Variants in CHCHD3 observed in about 807,000 individuals in gnomAD.
The protein encoded by CHCHD3 is MICOS complex subunit MIC19.
CHCHD3 carries 20 observed loss-of-function variants against 38.2 expected under a neutral mutation model. The ratio of observed to expected loss-of-function variants is 0.52; its 90% CI spans 0.37 to 0.76. The LOEUF (loss-of-function observed/expected upper bound fraction) is 0.76, where lower values mean the gene tolerates loss of function less well. Ranked by LOEUF, CHCHD3 falls within the 30% of genes least tolerant of loss-of-function variation. The pLI, the probability that CHCHD3 is intolerant of heterozygous loss-of-function variation, is 0.00. For synonymous variants in CHCHD3, 82 were observed against 100.0 expected (o/e 0.82, Z 1.07); for missense variants, 245 against 279.2 (o/e 0.88, Z 0.87).
chr7:132,824,144 A>G (rs1807447820), intron 6 of CHCHD3, among the ~76,000 whole-genome samples: 1 of 152,134 alleles, frequency 6.6e-6, no homozygotes, highest in African/African-American at 2.4e-5. Flanking sequence ...AGTAAACTCT[A>G]ATTATCATAT....
intron 6 of CHCHD3, among the ~76,000 whole-genome samples, chr7:132,799,030 T>C (rs1214376616): frequency 6.6e-6 from 1 of 151,674 alleles, no homozygotes; most frequent in Non-Finnish European, 1.5e-5. Flanking sequence ...TGTGTGTGTG[T>C]GTGTGTGTGT....
chr7:133,027,415 TGAA>T (rs1813375514), intron 2 of CHCHD3, among the ~76,000 whole-genome samples: 1 of 78,296 alleles, frequency 1.3e-5, no homozygotes, highest in Non-Finnish European at 2.3e-5. Context: ...AAGAAAGAAA[TGAA>T]GAGAAGGAAG....
intron 4 of CHCHD3, among the ~76,000 whole-genome samples, chr7:132,904,683 C>T (rs531107928): frequency 1.3e-5 from 2 of 152,258 alleles, no homozygotes; most frequent in East Asian, 1.9e-4. Flanking sequence ...GGCAGTGTGG[C>T]GATTCCTCAG....
chr7:132,888,831 T>C (rs1938830677), intron 4 of CHCHD3, among the ~76,000 whole-genome samples: 1 of 151,988 alleles, frequency 6.6e-6, no homozygotes, highest in Non-Finnish European at 1.5e-5. Flanking sequence ...TAAAATAGCA[T>C]GTGCCCTAAG....
At chr7:132,852,972 G>C (rs1003950959) in intron 5 of CHCHD3, among the ~76,000 whole-genome samples, 1 of 152,178 alleles carries the variant, frequency 6.6e-6, no homozygotes, top group Non-Finnish European at 1.5e-5. Context: ...GCAAACCTCT[G>C]AACTCTTTCA....
chr7:133,000,554 T>G (rs1333564643), intron 3 of CHCHD3, among the ~76,000 whole-genome samples: 3 of 152,142 alleles, frequency 2.0e-5, no homozygotes, highest in African/African-American at 7.2e-5. Context: ...GATAGGGTAC[T>G]GGGATTTAGC....
intron 3 of CHCHD3, among the ~76,000 whole-genome samples, chr7:133,008,677 G>A (rs1812773099): frequency 1.3e-5 from 2 of 152,042 alleles, no homozygotes; most frequent in South Asian, 2.1e-4. Flanking sequence ...TGTATTCTCT[G>A]TAGGCTTATG....
At chr7:132,835,524 C>A (rs1438092780) in intron 6 of CHCHD3, among the ~76,000 whole-genome samples, 1 of 152,166 alleles carries the variant, frequency 6.6e-6, no homozygotes, top group Non-Finnish European at 1.5e-5. Context: ...ATCATGATGT[C>A]AACGTTGTGC....
intron 4 of CHCHD3, among the ~76,000 whole-genome samples, chr7:132,896,185 T>C (rs1268060641): frequency 1.3e-5 from 2 of 152,216 alleles, no homozygotes; most frequent in Non-Finnish European, 2.9e-5. Flanking sequence ...TGAGAAAATA[T>C]ATAAAATATG....
chr7:132,931,678 C>A (rs1810518550), intron 4 of CHCHD3, among the ~76,000 whole-genome samples: 1 of 152,120 alleles, frequency 6.6e-6, no homozygotes, highest in African/African-American at 2.4e-5. Context: ...ATATCAATGT[C>A]AATTAAATGA....
At chr7:132,796,794 A>G (rs913504127) in intron 6 of CHCHD3, among the ~76,000 whole-genome samples, 2 of 152,214 alleles carry the variant, frequency 1.3e-5, no homozygotes, top group Non-Finnish European at 2.9e-5. Flanking sequence ...AGTTCCACTA[A>G]TTGACACTAC....
At chr7:132,866,634 C>T (rs2117141911) in intron 5 of CHCHD3, among the ~76,000 whole-genome samples, 1 of 152,286 alleles carries the variant, frequency 6.6e-6, no homozygotes. Context: ...TGACCAGATT[C>T]ATAAGGCTTA....
At chr7:132,883,510 A>G (rs1272870912) in intron 5 of CHCHD3, among the ~76,000 whole-genome samples, 1 of 152,216 alleles carries the variant, frequency 6.6e-6, no homozygotes, top group Admixed American at 6.5e-5. Flanking sequence ...GAGCCAAATC[A>G]GGCCCAGTAC....
chr7:132,829,119 C>T (rs919270719), intron 6 of CHCHD3, among the ~76,000 whole-genome samples: 2 of 152,150 alleles, frequency 1.3e-5, no homozygotes, highest in African/African-American at 4.8e-5. Flanking sequence ...AAGCCCTTAA[C>T]AAGTAAATGA....
chr7:132,805,580 TC>T (rs1806898522), intron 6 of CHCHD3, among the ~76,000 whole-genome samples: 1 of 152,054 alleles, frequency 6.6e-6, no homozygotes, highest in South Asian at 2.1e-4. Context: ...CTAGAGTCTA[TC>T]CTGCAGGTGT....
chr7:133,073,144 A>G (rs1409492615), intron 1 of CHCHD3, among the ~76,000 whole-genome samples: 2 of 152,038 alleles, frequency 1.3e-5, no homozygotes, highest in Non-Finnish European at 2.9e-5. Flanking sequence ...GCTTCCCTTT[A>G]GCATCTAACA....
At chr7:133,032,420 A>T (rs1813529539) in intron 2 of CHCHD3, among the ~76,000 whole-genome samples, 1 of 152,240 alleles carries the variant, frequency 6.6e-6, no homozygotes, top group African/African-American at 2.4e-5. Flanking sequence ...AGGCAGTGTT[A>T]GGAAGAGTTT....
At chr7:132,992,388 C>T (rs1395575645) in intron 3 of CHCHD3, among the ~76,000 whole-genome samples, 4 of 152,142 alleles carry the variant, frequency 2.6e-5, no homozygotes, top group African/African-American at 7.2e-5. Flanking sequence ...CTAGGAAATG[C>T]CCCTTCCTCA....
At chr7:132,946,326 C>A (rs1407774329) in intron 4 of CHCHD3, among the ~76,000 whole-genome samples, 2 of 151,782 alleles carry the variant, frequency 1.3e-5, no homozygotes, top group South Asian at 2.1e-4. Context: ...TAAAAATAAG[C>A]ACCAAGCAGT....
Sources: allele counts gnomAD v4.1 joint callset (sites outside exome capture counted in the v4.1 genomes callset), GRCh38; gene constraint gnomAD v4.1.1; transcripts MANE v1.5; gene names NCBI Gene and HGNC (gene_info 2026-07-23, HGNC 2026-07-21).